Variants in TMEM178B observed in about 807,000 individuals in gnomAD.
TMEM178B encodes the protein transmembrane protein 178B.
TMEM178B carries 5 observed loss-of-function variants against 31.0 expected under a neutral mutation model. That is an observed-to-expected ratio of 0.16 (90% confidence interval 0.08 to 0.34). The LOEUF is 0.34. Among genes scored for constraint, TMEM178B ranks in the 10% least tolerant of loss-of-function variants. The pLI is 1.00. For missense variants in TMEM178B, 275 were observed against 400.3 expected (o/e 0.69, Z 2.67); for synonymous variants, 164 against 164.0 (o/e 1.00, Z 0.00).
chr7:141,392,885 G>A (rs549772999), intron 2 of TMEM178B, among the ~76,000 whole-genome samples: 7 of 151,556 alleles, frequency 4.6e-5, no homozygotes, highest in Admixed American at 2.6e-4. Flanking sequence ...ACTAGATGTA[G>A]GTTCTAATGG....
At chr7:141,115,467 T>C (rs1380593415) in intron 1 of TMEM178B, among the ~76,000 whole-genome samples, 1 of 151,386 alleles carries the variant, frequency 6.6e-6, no homozygotes, top group African/African-American at 2.4e-5. Flanking sequence ...GAAAGGTGTA[T>C]TGAAATTATC....
chr7:141,120,275 G>C (rs1436366338), intron 1 of TMEM178B, among the ~76,000 whole-genome samples: 3 of 152,114 alleles, frequency 2.0e-5, no homozygotes, highest in Non-Finnish European at 4.4e-5. Context: ...AATTTATCAG[G>C]TTGTTGTGAG....
chr7:141,131,482 C>G (rs1324000756), intron 1 of TMEM178B, among the ~76,000 whole-genome samples: 2 of 152,268 alleles, frequency 1.3e-5, no homozygotes, highest in East Asian at 3.9e-4. Flanking sequence ...CCACCTTCTC[C>G]CAGCCCCAAC....
chr7:141,355,387 C>CT (rs2116537244), intron 2 of TMEM178B, among the ~76,000 whole-genome samples: 1 of 152,262 alleles, frequency 6.6e-6, no homozygotes, highest in South Asian at 2.1e-4. Context: ...CCCCTATGGA[C>CT]TGATAATCCC....
At chr7:141,325,117 C>T (rs1799166560) in intron 2 of TMEM178B, among the ~76,000 whole-genome samples, 2 of 152,156 alleles carry the variant, frequency 1.3e-5, no homozygotes, top group African/African-American at 4.8e-5. Context: ...ATAAATAGAA[C>T]TGCTTCTAAG....
At chr7:141,341,276 A>G (rs1799511539) in intron 2 of TMEM178B, among the ~76,000 whole-genome samples, 1 of 152,086 alleles carries the variant, frequency 6.6e-6, no homozygotes, top group African/African-American at 2.4e-5. Flanking sequence ...AAACAAAATG[A>G]GATTTTCTTT....
At chr7:141,306,480 T>C (rs1478783587) in intron 2 of TMEM178B, among the ~76,000 whole-genome samples, 2 of 152,190 alleles carry the variant, frequency 1.3e-5, no homozygotes, top group Non-Finnish European at 2.9e-5. Context: ...AGTATGGCTT[T>C]CTTGTGTTAT....
intron 1 of TMEM178B, among the ~76,000 whole-genome samples, chr7:141,103,264 G>C (rs191039785): frequency 6.6e-6 from 1 of 152,306 alleles, no homozygotes; most frequent in Non-Finnish European, 1.5e-5. Context: ...GTAGATCACC[G>C]GGGTAGGAAA....
At chr7:141,298,395 C>G (rs1160628971) in intron 2 of TMEM178B, among the ~76,000 whole-genome samples, 1 of 152,174 alleles carries the variant, frequency 6.6e-6, no homozygotes, top group Non-Finnish European at 1.5e-5. Flanking sequence ...GCTTTTGTTG[C>G]TAAAACATAC....
chr7:141,393,083 C>T (rs17162196), intron 2 of TMEM178B, among the ~76,000 whole-genome samples: 12,825 of 152,102 alleles, frequency 0.084, 650 homozygotes, highest in African/African-American at 0.12. Flanking sequence ...TGGGAATTCA[C>T]AGTATGTATG....
intron 3 of TMEM178B, among the ~76,000 whole-genome samples, chr7:141,451,293 T>C (rs1393723506): frequency 2.6e-5 from 4 of 152,226 alleles, no homozygotes; most frequent in Non-Finnish European, 5.9e-5. Flanking sequence ...GTTATGAGAA[T>C]TAAATGAGTT....
At chr7:141,354,725 G>A (rs772074458) in intron 2 of TMEM178B, among the ~76,000 whole-genome samples, 3 of 152,054 alleles carry the variant, frequency 2.0e-5, no homozygotes, top group South Asian at 2.1e-4. Flanking sequence ...TTGTGGTTTC[G>A]TGGTTCCTAT....
intron 2 of TMEM178B, among the ~76,000 whole-genome samples, chr7:141,237,104 T>C (rs182877118): frequency 7.9e-5 from 12 of 152,332 alleles, no homozygotes; most frequent in Admixed American, 5.2e-4. Flanking sequence ...TTTTGTTTTG[T>C]TTTTTTACCT....
chr7:141,312,021 T>G (rs555335287), intron 2 of TMEM178B, among the ~76,000 whole-genome samples: 1 of 152,354 alleles, frequency 6.6e-6, no homozygotes, highest in South Asian at 2.1e-4. Context: ...ACTTCTCTAC[T>G]TTCTGCCATC....
At position 141,318,840 on chromosome 7, in the gene TMEM178B, C is replaced by T. The variant is rs1335439153; in HGVS notation, c.496+106136C>T. ...AAGAGCTAAATGAATGTGTGTTTCC[C>T]ATGTTGTCTCAATTCAGTTAAAGAG... On this transcript the variant is annotated intron_variant, in intron 2 of 3. Coordinates refer to ENST00000565468, the MANE Select transcript of TMEM178B (RefSeq NM_001195278.2). The surrounding 1 kb of genome is among the most constrained non-coding windows in gnomAD (Gnocchi z 4.1). 6.6e-6 allele frequency among the ~76,000 whole-genome samples: 1 copy of T among 152,236 alleles called. No individual in the cohort carries two copies. The highest frequency in any genetic ancestry group is 1.9e-4 in the East Asian group (1 of 5,184).
intron 2 of TMEM178B, among the ~76,000 whole-genome samples, chr7:141,250,148 C>G (rs1375745409): frequency 6.6e-6 from 1 of 152,122 alleles, no homozygotes; most frequent in Non-Finnish European, 1.5e-5. Flanking sequence ...CTCCAATCCT[C>G]TCAAATACTC....
intron 1 of TMEM178B, among the ~76,000 whole-genome samples, chr7:141,148,210 A>G (rs929869433): frequency 6.6e-6 from 1 of 152,082 alleles, no homozygotes; most frequent in Non-Finnish European, 1.5e-5. Flanking sequence ...ATCTTCTCCA[A>G]CTTTAACCTT....
chr7:141,131,459 T>C (rs954770250), intron 1 of TMEM178B, among the ~76,000 whole-genome samples: 6 of 152,206 alleles, frequency 3.9e-5, no homozygotes, highest in African/African-American at 1.2e-4. Flanking sequence ...CCATTTATTC[T>C]CTCATCAATT....
intron 1 of TMEM178B, among the ~76,000 whole-genome samples, chr7:141,151,849 C>A (rs771037441): frequency 3.9e-5 from 6 of 152,104 alleles, no homozygotes; most frequent in Non-Finnish European, 7.4e-5. Flanking sequence ...AGGGGGGGTG[C>A]CCCTCACCTC....
Sources: gnomAD v4.1 joint callset for allele counts (sites outside exome capture counted in the v4.1 genomes callset) on GRCh38, gnomAD v4.1.1 for gene constraint, Gnocchi (gnomAD v3.1) non-coding constraint, MANE v1.5 for transcripts, NCBI Gene and HGNC (gene_info 2026-07-23, HGNC 2026-07-21) for gene names.